The following MEGF11 variants were observed in gnomAD, a reference collection of about 807,000 sequenced individuals.
MEGF11 encodes the protein multiple EGF like domains 11, also known as multiple epidermal growth factor-like domains protein 11.
In MEGF11, 126 loss-of-function variants were observed where a neutral mutation model predicts 146.6. The ratio of observed to expected loss-of-function variants is 0.86; its 90% CI spans 0.74 to 1.00. The LOEUF is 1.00. MEGF11 is among the 50% of genes least tolerant of loss of function. The pLI, the probability that MEGF11 is intolerant of heterozygous loss-of-function variation, is 0.00. For synonymous variants in MEGF11, 532 were observed against 583.4 expected (o/e 0.91, Z 1.27); for missense variants, 1,509 against 1,521.2 (o/e 0.99, Z 0.13).
chr15:66,158,110 C>T, intron 1 of MEGF11, among the ~76,000 whole-genome samples: 1 of 152,230 alleles, frequency 6.6e-6, no homozygotes, highest in Non-Finnish European at 1.5e-5. Context: ...ATGTATGTGG[C>T]TGCAGATTCC....
intron 10 of MEGF11, among the ~76,000 whole-genome samples, chr15:65,938,890 T>G (rs1398365570): frequency 1.3e-5 from 2 of 152,242 alleles, no homozygotes. Context: ...TTATTGAATT[T>G]TCTCCCCTGC....
intron 10 of MEGF11, among the ~76,000 whole-genome samples, chr15:65,940,994 A>G (rs976974053): frequency 2.6e-5 from 4 of 152,236 alleles, no homozygotes; most frequent in African/African-American, 9.6e-5. Flanking sequence ...ATGTCAGTAG[A>G]ATGTCTTGAG....
chr15:66,226,702 CAT>C (rs779997733), intron 1 of MEGF11, among the ~76,000 whole-genome samples: 1 of 152,094 alleles, frequency 6.6e-6, no homozygotes, highest in Non-Finnish European at 1.5e-5. Flanking sequence ...CAGGAAAAAA[CAT>C]AGTCTATATA....
rs200117792 is a variant in MEGF11 at position 65,922,452 on chromosome 15, C to T, written c.1843G>A (p.Gly615Ser). The change falls in exon 15 of 26, where the codon GGC becomes AGC. Residue 615 changes from glycine to serine, a missense_variant. Transcript: ENST00000395614. The stretch of plus-strand genomic sequence containing the variant: ...GGGCATGGCTGGGCGCAGCCGTGGC[C>T]ATAGAACCCAGGGGGGCAGACTGAG... ...CQRICPPGFY[G>S]HGCAQPCPLC... is the part of the protein sequence containing the mutation. The T allele has an allele frequency of 4.7e-4, 748 of 1,579,040 alleles. 3 individuals carry two copies. Among genetic ancestry groups the T allele is most frequent in the South Asian group, 5.5e-4 (47 of 85,834 alleles).
At chr15:65,989,428 G>A (rs113190098) in intron 5 of MEGF11, among the ~76,000 whole-genome samples, 3,714 of 152,276 alleles carry the variant, frequency 0.024, 120 homozygotes, top group African/African-American at 0.073. Context: ...CTCCCAGAAA[G>A]GTCTGTGGCC....
intron 1 of MEGF11, among the ~76,000 whole-genome samples, chr15:66,250,506 C>A (rs926711016): frequency 3.2e-4 from 49 of 152,324 alleles, no homozygotes; most frequent in African/African-American, 1.1e-3. Flanking sequence ...TCCCAAGGGC[C>A]TAGTCCAGTG....
intron 4 of MEGF11, among the ~76,000 whole-genome samples, chr15:66,115,820 C>T (rs2087698504): frequency 6.6e-6 from 1 of 152,190 alleles, no homozygotes; most frequent in Admixed American, 6.5e-5. Flanking sequence ...GATCAGAGTC[C>T]TGCCGTTGCA....
chr15:66,163,846 G>T (rs540524158), intron 1 of MEGF11, among the ~76,000 whole-genome samples: 1 of 152,166 alleles, frequency 6.6e-6, no homozygotes, highest in Non-Finnish European at 1.5e-5. Context: ...AATCCTCCCC[G>T]CATGCACACG....
At chr15:66,179,689 C>T (rs975295475) in intron 1 of MEGF11, among the ~76,000 whole-genome samples, 21 of 152,116 alleles carry the variant, frequency 1.4e-4, no homozygotes, top group East Asian at 7.7e-4. Flanking sequence ...TGTACTCAAC[C>T]GGGTTTCAGG....
chr15:66,155,587 C>T (rs1296226314), intron 1 of MEGF11, among the ~76,000 whole-genome samples: 1 of 152,172 alleles, frequency 6.6e-6, no homozygotes, highest in Non-Finnish European at 1.5e-5. Flanking sequence ...TTTCCAGCGT[C>T]CTACTCAATC....
intron 1 of MEGF11, among the ~76,000 whole-genome samples, chr15:66,198,281 C>A (rs1392163469): frequency 6.6e-6 from 1 of 152,052 alleles, no homozygotes; most frequent in Non-Finnish European, 1.5e-5. Context: ...CTTAAAGGGA[C>A]CCTGGGTTGG....
At position 66,082,425 on chromosome 15, in the gene MEGF11, TAAAAAAAAAAAAAAAAAAA is replaced by T. The variant is rs796328490; in HGVS notation, c.394+11958_394+11976del. Among the ~76,000 whole-genome samples, 67 of 15,664 alleles carry T rather than the reference TAAAAAAAAAAAAAAAAAAA, an allele frequency of 4.3e-3. 1 individual carries two copies. Among genetic ancestry groups the T allele is most frequent in the African/African-American group, 9.9e-3 (44 of 4,450 alleles). 10.3% of individuals were successfully genotyped at this position (15,664 alleles called of 152,430 possible). On this transcript the variant is annotated intron_variant, in intron 5 of 25. Coordinates refer to ENST00000395614, the MANE Select transcript of MEGF11 (RefSeq NM_001385028.1). The stretch of plus-strand genomic sequence containing the variant: ...CAACATGGTAAAACCCCATCTCTAC[TAAAAAAAAAAAAAAAAAAA>T]AAAAAAAAAAAAAAAAAAAAAAATC...
At chr15:66,057,671 C>T (rs1447163454) in intron 5 of MEGF11, among the ~76,000 whole-genome samples, 2 of 151,938 alleles carry the variant, frequency 1.3e-5, no homozygotes, top group South Asian at 2.1e-4. Flanking sequence ...CTGGAAATAC[C>T]TTTATAGGAG....
intron 1 of MEGF11, among the ~76,000 whole-genome samples, chr15:66,201,480 G>A (rs2091156454): frequency 6.6e-6 from 1 of 152,120 alleles, no homozygotes; most frequent in African/African-American, 2.4e-5. Context: ...GGGGTGCTGA[G>A]GCCAAGCAGC....
intron 1 of MEGF11, among the ~76,000 whole-genome samples, chr15:66,212,638 G>A (rs760488106): frequency 1.6e-4 from 24 of 152,138 alleles, no homozygotes; most frequent in Non-Finnish European, 3.4e-4. Context: ...ACAAGAATGC[G>A]CTTCCTTCCA....
Position 66,240,596 on chromosome 15 carries a change from T to A in MEGF11, c.-9+13009A>T, listed in dbSNP as rs548375228. ...ATTCCAGACACTAAGCTAAGCCTTTTACCTGCCTTGTTCATTTGAGTTTCA... is the reference window on the plus strand; with the variant it reads ...ATTCCAGACACTAAGCTAAGCCTTTAACCTGCCTTGTTCATTTGAGTTTCA... On this transcript the variant is annotated intron_variant, in intron 1 of 25. Coordinates refer to ENST00000395614, the MANE Select transcript of MEGF11 (RefSeq NM_001385028.1). Among the ~76,000 whole-genome samples the A allele has an allele frequency of 1.3e-3, 196 of 152,364 alleles. 1 individual carries two copies. The highest frequency in any genetic ancestry group is 4.0e-3 in the African/African-American group (168 of 41,592).
chr15:65,980,482 C>G, intron 7 of MEGF11, among the ~76,000 whole-genome samples: 1 of 144,998 alleles, frequency 6.9e-6, no homozygotes, highest in South Asian at 2.1e-4. Context: ...TGGCTGTGAC[C>G]TCTGCCCCCT....
intron 1 of MEGF11, among the ~76,000 whole-genome samples, chr15:66,130,674 A>AAAAGG (rs2088604199): frequency 7.0e-6 from 1 of 142,010 alleles, no homozygotes; most frequent in Non-Finnish European, 1.6e-5. Flanking sequence ...GGAAGGAAGG[A>AAAAGG]AAAGGAAAGG....
chr15:65,928,461 C>A lies in MEGF11; in HGVS notation c.1639G>T (p.Val547Phe). The A allele has an allele frequency of 5.6e-6, 9 of 1,603,130 alleles. No individual in the cohort carries two copies. The highest frequency in any genetic ancestry group is 7.7e-6 in the Non-Finnish European group (9 of 1,173,482). Residue 547 changes from valine to phenylalanine, a missense_variant, in exon 13 of 26, where the codon GTC becomes TTC. Physicochemically the swap from Val to Phe is conservative, Grantham distance 50. Transcript: ENST00000395614. Reference sequence around the variant, plus strand: ...GCCAGGCAGCAGCAGTGGCCTGTGACGGGGTCACATCCATCAGCATGGCTG... The same window carrying A: ...GCCAGGCAGCAGCAGTGGCCTGTGAAGGGGTCACATCCATCAGCATGGCTG... Reference protein sequence around the residue: ...DCSHADGCDPVTGHCCCLAGW... With the variant: ...DCSHADGCDPFTGHCCCLAGW...
Sources: allele counts gnomAD v4.1 joint callset (sites outside exome capture counted in the v4.1 genomes callset), GRCh38; gene constraint gnomAD v4.1.1; transcripts MANE v1.5; gene names NCBI Gene and HGNC (gene_info 2026-07-23, HGNC 2026-07-21).